PPP2R5E: variants seen among roughly 807,000 people sequenced by gnomAD.
The protein encoded by PPP2R5E is serine/threonine-protein phosphatase 2A 56 kDa regulatory subunit epsilon isoform.
Under a neutral mutation model 65.3 loss-of-function variants are expected in PPP2R5E, and 4 were observed. That is an observed-to-expected ratio of 0.06 (90% CI 0.03 to 0.14). The LOEUF is 0.14. PPP2R5E is among the 10% of genes least tolerant of loss of function. The pLI, the probability that PPP2R5E is intolerant of heterozygous loss-of-function variation, is 1.00. For missense variants in PPP2R5E, 274 were observed against 556.1 expected (o/e 0.49, Z 5.10); for synonymous variants, 183 against 187.4 (o/e 0.98, Z 0.19).
chr14:63,522,481 T>A (rs1892963386), intron 2 of PPP2R5E, among the ~76,000 whole-genome samples: 1 of 127,580 alleles, frequency 7.8e-6, no homozygotes. Context: ...CCGGCCGCCA[T>A]CCCATCTAGG....
chr14:63,507,945 G>A (rs1892288283), intron 2 of PPP2R5E, among the ~76,000 whole-genome samples: 1 of 152,120 alleles, frequency 6.6e-6, no homozygotes. Context: ...CTGACCCTAG[G>A]GATTTATCAT....
At chr14:63,519,366 CTT>C (rs1172418780) in intron 2 of PPP2R5E, among the ~76,000 whole-genome samples, 3 of 150,626 alleles carry the variant, frequency 2.0e-5, no homozygotes, top group Non-Finnish European at 4.4e-5. Context: ...TTTTTTTTCT[CTT>C]GAGACAGAGT....
In PPP2R5E at chr14:63,465,465, AAAAAAAAACAAC is replaced by A. The variant is rs1259555805; in HGVS notation, c.158-11592_158-11581del. Among the ~76,000 whole-genome samples, 83 of 133,072 alleles carry A rather than the reference AAAAAAAAACAAC, an allele frequency of 6.2e-4. 2 individuals carry two copies. Among genetic ancestry groups the A allele is most frequent in the African/African-American group, 1.9e-3 (57 of 30,034 alleles). The allele number at this position is 133,072 out of a possible 152,430, so 87.3% of individuals were successfully genotyped here. A position where few individuals can be genotyped will look rare whatever the true frequency, so the allele number is the denominator to read the frequency against. The stretch of plus-strand genomic sequence containing the variant: ...TCCACCTCTACAAAAAAAAAAAAAA[AAAAAAAAACAAC>A]AACTAACAAAAGATTAGCCAGGCCT... On this transcript the variant is annotated intron_variant, in intron 2 of 13. Transcript: ENST00000337537.
rs73272584 is a variant in PPP2R5E at position 63,433,796 on chromosome 14, G to A, written c.355-11702C>T. On this transcript the variant is annotated intron_variant, in intron 3 of 13. Coordinates refer to ENST00000337537, the MANE Select transcript of PPP2R5E (RefSeq NM_006246.5). ...ATACAGACTTTCCAGCGAATCTCCTGTTTCGCCCCCATGCACCCTTCCTTT... is the reference window on the plus strand; with the variant it reads ...ATACAGACTTTCCAGCGAATCTCCTATTTCGCCCCCATGCACCCTTCCTTT... Among the ~76,000 whole-genome samples, 1,353 of 152,250 alleles carry A rather than the reference G, an allele frequency of 8.9e-3. 23 individuals carry two copies. Among genetic ancestry groups the A allele is most frequent in the African/African-American group, 0.031 (1,276 of 41,566 alleles).
At chr14:63,401,760 A>T (rs978400372) in intron 5 of PPP2R5E, among the ~76,000 whole-genome samples, 1 of 152,156 alleles carries the variant, frequency 6.6e-6, no homozygotes, top group Non-Finnish European at 1.5e-5. Flanking sequence ...CAAAGATGGA[A>T]GTGGATGACA....
At chr14:63,494,498 G>A (rs1054591841) in intron 2 of PPP2R5E, among the ~76,000 whole-genome samples, 1 of 151,030 alleles carries the variant, frequency 6.6e-6, no homozygotes, top group African/African-American at 2.4e-5. Flanking sequence ...GCCTCCCAAA[G>A]TGCTGGGATT....
intron 2 of PPP2R5E, among the ~76,000 whole-genome samples, chr14:63,531,671 C>T (rs935011342): frequency 3.3e-5 from 5 of 151,786 alleles, no homozygotes; most frequent in South Asian, 4.2e-4. Context: ...CACACACACA[C>T]GGCCGGGTGC....
At chr14:63,537,874 A>C (rs1043617477) in intron 2 of PPP2R5E, among the ~76,000 whole-genome samples, 11 of 152,224 alleles carry the variant, frequency 7.2e-5, no homozygotes, top group Admixed American at 2.6e-4. Context: ...CCACACTATA[A>C]AAGCTATGTT....
At chr14:63,456,939 A>C (rs1566716313) in intron 2 of PPP2R5E, among the ~76,000 whole-genome samples, 1 of 152,212 alleles carries the variant, frequency 6.6e-6, no homozygotes, top group East Asian at 1.9e-4. Context: ...TCATAAACTA[A>C]ATTCTTTCTA....
chr14:63,378,617 T>C (rs1308411648), intron 13 of PPP2R5E, among the ~76,000 whole-genome samples: 1 of 152,192 alleles, frequency 6.6e-6, no homozygotes, highest in Non-Finnish European at 1.5e-5. Flanking sequence ...ATCCTAAATA[T>C]TGCTGACACA....
chr14:63,455,230 AC>A (rs1346859888), intron 2 of PPP2R5E, among the ~76,000 whole-genome samples: 3 of 151,946 alleles, frequency 2.0e-5, no homozygotes, highest in Non-Finnish European at 4.4e-5. Flanking sequence ...CCTCTCTACA[AC>A]CTTCTACCCC....
At chr14:63,440,665 G>A (rs1434044527) in intron 3 of PPP2R5E, among the ~76,000 whole-genome samples, 1 of 151,868 alleles carries the variant, frequency 6.6e-6, no homozygotes, top group African/African-American at 2.4e-5. Context: ...TGGGCCGGGT[G>A]CAGTGGCTCA....
intron 11 of PPP2R5E, among the ~76,000 whole-genome samples, chr14:63,388,391 A>G (rs8020260): frequency 0.18 from 26,673 of 152,096 alleles, 3,500 homozygotes; most frequent in East Asian, 0.5. Flanking sequence ...CACCCGCCTC[A>G]GCCTCCCAAA....
chr14:63,500,973 A>G (rs1566746785), intron 2 of PPP2R5E, among the ~76,000 whole-genome samples: 1 of 152,240 alleles, frequency 6.6e-6, no homozygotes, highest in East Asian at 1.9e-4. Context: ...AACTCATTTA[A>G]TTCTTACAAC....
At chr14:63,449,256 G>C (rs758955947) in intron 3 of PPP2R5E, among the ~76,000 whole-genome samples, 1 of 152,162 alleles carries the variant, frequency 6.6e-6, no homozygotes, top group African/African-American at 2.4e-5. Flanking sequence ...TGGAATTAGA[G>C]AACTTAAGAA....
chr14:63,541,570 G>A (rs1478544222), intron 1 of PPP2R5E, among the ~76,000 whole-genome samples: 2 of 152,196 alleles, frequency 1.3e-5, no homozygotes, highest in Non-Finnish European at 2.9e-5. Context: ...ACTAATGGCA[G>A]ACTCGGATAG....
intron 3 of PPP2R5E, chr14:63,451,563 G>A (rs563084624): frequency 1.3e-5 from 2 of 152,430 alleles, no homozygotes; most frequent in East Asian, 1.9e-4. Flanking sequence ...TGAAGGTGGT[G>A]GGTGATGAAG....
At chr14:63,414,275 A>G (rs1032970124) in intron 5 of PPP2R5E, among the ~76,000 whole-genome samples, 2 of 151,976 alleles carry the variant, frequency 1.3e-5, no homozygotes, top group African/African-American at 4.8e-5. Context: ...CTGCCAAATT[A>G]ATGTTTTACT....
At chr14:63,504,948 G>A (rs1228392354) in intron 2 of PPP2R5E, among the ~76,000 whole-genome samples, 2 of 152,142 alleles carry the variant, frequency 1.3e-5, no homozygotes, top group East Asian at 3.8e-4. Flanking sequence ...AAGAAGATGG[G>A]GATCATTAAG....
Sources: allele counts gnomAD v4.1 joint callset (sites outside exome capture counted in the v4.1 genomes callset), GRCh38; gene constraint gnomAD v4.1.1; transcripts MANE v1.5; gene names NCBI Gene and HGNC (gene_info 2026-07-23, HGNC 2026-07-21).